Variants in KAZN observed in about 807,000 individuals in gnomAD.
The protein encoded by KAZN is kazrin, periplakin interacting protein.
KAZN carries 40 observed loss-of-function variants against 87.4 expected under a neutral mutation model. The ratio of observed to expected loss-of-function variants is 0.46; its 90% CI spans 0.36 to 0.60. KAZN has a LOEUF of 0.60. Ranked by LOEUF, KAZN falls within the 20% of genes least tolerant of loss-of-function variation. KAZN has a pLI of 0.00. For synonymous variants in KAZN, 466 were observed against 458.3 expected, an observed-to-expected ratio of 1.02 and a Z score of -0.22; for missense variants, 898 against 1,073.9, an observed-to-expected ratio of 0.84 and a Z score of 2.29.
chr1:14,068,955 C>A (rs139811272), intron 1 of KAZN, among the ~76,000 whole-genome samples: 2 of 152,010 alleles, frequency 1.3e-5, no homozygotes, highest in Non-Finnish European at 2.9e-5. Flanking sequence ...CGTGCCACCA[C>A]GCCTGGTTAA....
chr1:15,062,054 C>G (rs1028320838), intron 6 of KAZN: 2 of 152,208 alleles, frequency 1.3e-5, no homozygotes, highest in Non-Finnish European at 1.5e-5. Context: ...ACCTTCCCCC[C>G]ACGGCCATAT....
At chr1:14,098,458 A>G (rs1644177857) in intron 1 of KAZN, among the ~76,000 whole-genome samples, 1 of 152,174 alleles carries the variant, frequency 6.6e-6, no homozygotes, top group Non-Finnish European at 1.5e-5. Flanking sequence ...TCTGTTTGCA[A>G]CAGAAGGCAA....
intron 8 of KAZN, among the ~76,000 whole-genome samples, chr1:15,089,366 C>G (rs1245734380): frequency 6.6e-6 from 1 of 152,076 alleles, no homozygotes; most frequent in South Asian, 2.1e-4. Context: ...CCACCTTGAC[C>G]AGGCAAGAGT....
intron 8 of KAZN, among the ~76,000 whole-genome samples, chr1:15,074,728 G>A (rs566688561): frequency 6.6e-6 from 1 of 152,278 alleles, no homozygotes; most frequent in South Asian, 2.1e-4. Flanking sequence ...TACATCCTGG[G>A]CAAACTCCCT....
intron 2 of KAZN, among the ~76,000 whole-genome samples, chr1:14,984,800 C>G (rs1666605706): frequency 6.6e-6 from 1 of 152,070 alleles, no homozygotes; most frequent in Non-Finnish European, 1.5e-5. Flanking sequence ...GAAAGGGACT[C>G]CTGCTGGCAA....
At chr1:14,210,472 T>C (rs569758308) in intron 2 of KAZN, among the ~76,000 whole-genome samples, 1 of 152,182 alleles carries the variant, frequency 6.6e-6, no homozygotes, top group African/African-American at 2.4e-5. Context: ...GTTGGATGCC[T>C]GCTACAGTGG....
At chr1:14,294,723 T>G (rs918799812) in intron 2 of KAZN, among the ~76,000 whole-genome samples, 18 of 148,608 alleles carry the variant, frequency 1.2e-4, no homozygotes, top group Non-Finnish European at 2.7e-4. Context: ...TCAGGCCAAG[T>G]AGATTTTAAT....
chr1:14,192,528 C>T (rs1279556080), intron 2 of KAZN, among the ~76,000 whole-genome samples: 4 of 152,098 alleles, frequency 2.6e-5, no homozygotes, highest in Non-Finnish European at 4.4e-5. Flanking sequence ...TGAATATATA[C>T]GTGGAGGTGG....
At chr1:14,864,907 G>A (rs1004976984) in intron 1 of KAZN, among the ~76,000 whole-genome samples, 1 of 152,112 alleles carries the variant, frequency 6.6e-6, no homozygotes, top group African/African-American at 2.4e-5. Flanking sequence ...AGATGCAAAC[G>A]AATTACTGCA....
intron 2 of KAZN, among the ~76,000 whole-genome samples, chr1:15,033,228 A>G (rs1671913155): frequency 6.6e-6 from 1 of 152,224 alleles, no homozygotes; most frequent in Non-Finnish European, 1.5e-5. Flanking sequence ...ACCAATCCCC[A>G]TGCATACTGA....
chr1:15,076,979 A>G (rs1033332141), intron 8 of KAZN, among the ~76,000 whole-genome samples: 5 of 152,166 alleles, frequency 3.3e-5, no homozygotes, highest in African/African-American at 1.2e-4. Flanking sequence ...GACCCTGCAG[A>G]TAGGCGGGTC....
chr1:14,354,547 G>C (rs1476384644), intron 2 of KAZN, among the ~76,000 whole-genome samples: 1 of 151,894 alleles, frequency 6.6e-6, no homozygotes, highest in Non-Finnish European at 1.5e-5. Flanking sequence ...TGATAAAGAA[G>C]AACATAATAA....
chr1:14,177,597 T>A (rs1400632999), intron 1 of KAZN, among the ~76,000 whole-genome samples: 1 of 152,204 alleles, frequency 6.6e-6, no homozygotes, highest in East Asian at 1.9e-4. Flanking sequence ...TTTTTTTTTA[T>A]CTCCTGGTTT....
chr1:14,315,153 A>T (rs1166321834), intron 2 of KAZN, among the ~76,000 whole-genome samples: 1 of 152,092 alleles, frequency 6.6e-6, no homozygotes, highest in Non-Finnish European at 1.5e-5. Context: ...GTTTTGTATG[A>T]CAGTCACTTC....
intron 1 of KAZN, among the ~76,000 whole-genome samples, chr1:14,058,500 A>T (rs1374738640): frequency 2.0e-5 from 3 of 152,194 alleles, no homozygotes; most frequent in Non-Finnish European, 4.4e-5. Flanking sequence ...CAAGTCACAT[A>T]ACAAATCTTT....
intron 2 of KAZN, among the ~76,000 whole-genome samples, chr1:14,502,476 C>G (rs948334619): frequency 6.6e-6 from 1 of 152,106 alleles, no homozygotes; most frequent in African/African-American, 2.4e-5. Flanking sequence ...TAGGTCATCT[C>G]TTGCAGGGTA....
intron 1 of KAZN, among the ~76,000 whole-genome samples, chr1:14,613,695 G>A (rs1677993586): frequency 6.6e-6 from 1 of 152,168 alleles, no homozygotes; most frequent in African/African-American, 2.4e-5. Flanking sequence ...GTGCCCATAG[G>A]CAGCAGGTTG....
intron 2 of KAZN, among the ~76,000 whole-genome samples, chr1:14,271,633 C>T (rs1170863716): frequency 1.3e-5 from 2 of 152,206 alleles, no homozygotes; most frequent in South Asian, 2.1e-4. Flanking sequence ...TATCTACTTA[C>T]ACATGGTCCA....
chr1:14,814,965 C>A (rs539215838), intron 1 of KAZN, among the ~76,000 whole-genome samples: 47 of 152,182 alleles, frequency 3.1e-4, no homozygotes, highest in Non-Finnish European at 5.6e-4. Flanking sequence ...GATGTAAAGC[C>A]TTGGGTTGCT....
Sources: allele counts gnomAD v4.1 joint callset (sites outside exome capture counted in the v4.1 genomes callset), GRCh38; gene constraint gnomAD v4.1.1; transcripts MANE v1.5; gene names NCBI Gene and HGNC (gene_info 2026-07-23, HGNC 2026-07-21).